Variants in TMEM268 observed in about 807,000 individuals in gnomAD.
TMEM268 encodes transmembrane protein 268.
A neutral mutation model predicts 39.1 loss-of-function variants in TMEM268; 24 were observed. That is an observed-to-expected ratio of 0.61 (90% CI 0.44 to 0.86). The LOEUF (loss-of-function observed/expected upper bound fraction) is 0.86. TMEM268 is among the 40% of genes least tolerant of loss of function. The pLI is 0.00. For synonymous variants in TMEM268, 176 were observed against 173.5 expected (o/e 1.01, Z -0.12); for missense variants, 409 against 428.6 (o/e 0.95, Z 0.40).
chr9:114,630,513 A>C (rs1380816229), intron 5 of TMEM268, among the ~76,000 whole-genome samples: 2 of 152,176 alleles, frequency 1.3e-5, no homozygotes, highest in Non-Finnish European at 2.9e-5. Context: ...CTTCACGTCT[A>C]TGCCCAACAA....
At chr9:114,633,228 C>T (rs966659050) in intron 5 of TMEM268, among the ~76,000 whole-genome samples, 2 of 150,372 alleles carry the variant, frequency 1.3e-5, no homozygotes, top group African/African-American at 4.9e-5. Context: ...GTGGCGTGAT[C>T]TCTGTGCACT....
chr9:114,621,968 T>C (rs1589336440), intron 2 of TMEM268: 3 of 370,702 alleles, frequency 8.1e-6, no homozygotes, highest in Admixed American at 1.3e-4. Context: ...CCCTGGCCAC[T>C]GTGTGGAAGA....
upstream of TMEM268, among the ~76,000 whole-genome samples, chr9:114,609,394 C>T (rs1845408827): frequency 1.3e-5 from 2 of 152,032 alleles, no homozygotes; most frequent in African/African-American, 4.8e-5. Flanking sequence ...ATGGGCCAGG[C>T]ATGGTGGCTT....
chr9:114,621,036 T>C (rs1466064294), intron 2 of TMEM268, among the ~76,000 whole-genome samples: 2 of 152,094 alleles, frequency 1.3e-5, no homozygotes, highest in African/African-American at 4.8e-5. Flanking sequence ...TCCCAGGGTA[T>C]GAAAAAAGAA....
At chr9:114,624,965 G>A (rs960118440) in intron 3 of TMEM268, among the ~76,000 whole-genome samples, 5 of 152,140 alleles carry the variant, frequency 3.3e-5, no homozygotes, top group African/African-American at 1.2e-4. Context: ...TTTAGGAGAG[G>A]GGACTGCATA....
At chr9:114,636,485 T>TTTTTCTTTTCCTTTCTTTTCTTTC (rs1846641817) in intron 6 of TMEM268, among the ~76,000 whole-genome samples, 1 of 136,546 alleles carries the variant, frequency 7.3e-6, no homozygotes, top group Non-Finnish European at 1.6e-5. Flanking sequence ...AGGGTTTAAC[T>TTTTTCTTTTCCTTTCTTTTCTTTC]TTTTCTTTTC....
At chr9:114,631,696 C>CATCCAA (rs936717619) in intron 5 of TMEM268, among the ~76,000 whole-genome samples, 9 of 152,210 alleles carry the variant, frequency 5.9e-5, no homozygotes, top group African/African-American at 2.2e-4. Flanking sequence ...TCCAAATCCA[C>CATCCAA]ATCCAAATCT....
chr9:114,628,135 C>T lies in TMEM268; in HGVS notation c.359C>T (p.Ser120Phe). ...FYVVVWANIY[S>F]TSQMFALGNH... The stretch of plus-strand genomic sequence containing the variant: ...GTGGTGGTGTGGGCCAATATCTACT[C>T]TACCAGTCAGATGTTTGCCTTGGGG... Residue 120 changes from serine (S) to phenylalanine (F), a missense_variant, in exon 5 of 9, where the codon TCT (serine) becomes TTT (phenylalanine). Physicochemically the swap from Ser to Phe is radical, Grantham distance 155. Transcript: ENST00000288502. 1 of 1,614,186 alleles carries T rather than the reference C, an allele frequency of 6.2e-7. No homozygotes were observed. The highest frequency in any genetic ancestry group is 8.5e-7 in the Non-Finnish European group (1 of 1,180,036).
chr9:114,631,292 A>AAAAAAAAAAAG (rs1846387622), intron 5 of TMEM268, among the ~76,000 whole-genome samples: 8 of 20,192 alleles, frequency 4.0e-4, no homozygotes, highest in African/African-American at 9.3e-4. Flanking sequence ...CAAAAAAAAA[A>AAAAAAAAAAAG]AAAAAAAAAA....
Position 114,645,695 on chromosome 9 carries a change from A to G in TMEM268, c.*2382A>G, listed in dbSNP as rs1382699493. 6.6e-6 allele frequency: 1 copy of G among 152,324 alleles called. No homozygotes were observed. The highest frequency in any genetic ancestry group is 1.5e-5 in the Non-Finnish European group (1 of 68,044). The allele number at this position is 152,324 out of a possible 1,614,324, so 9.4% of individuals were successfully genotyped here. A position where few individuals can be genotyped will look rare whatever the true frequency, so the allele number is the denominator to read the frequency against. On this transcript the variant is annotated 3_prime_UTR_variant, in exon 9 of 9. Transcript: ENST00000288502. ...TGTGTTTGTTAAATGACAAAGCAGC[A>G]GTTTTTCAATTGTAAGGTCTGCTTG...
At chr9:114,636,141 A>G (rs1430263544) in intron 6 of TMEM268, among the ~76,000 whole-genome samples, 1 of 152,196 alleles carries the variant, frequency 6.6e-6, no homozygotes, top group Non-Finnish European at 1.5e-5. Flanking sequence ...GATGTGTGGC[A>G]GCTGTGGTCT....
At chr9:114,634,788 A>T (rs1336718288) in intron 6 of TMEM268, among the ~76,000 whole-genome samples, 6 of 150,706 alleles carry the variant, frequency 4.0e-5, no homozygotes, top group African/African-American at 1.5e-4. Context: ...TTGAGGCTGC[A>T]GCAGAGAACA....
rs1246698742 is a variant in TMEM268 at position 114,645,916 on chromosome 9, C to G, written c.*2603C>G. ...ACAGGGTTGCTGTGAAGATCGCATA[C>G]TACACACAGGAATGCTCATCAGTTT... On this transcript the variant is annotated 3_prime_UTR_variant, in exon 9 of 9. Coordinates refer to ENST00000288502, the MANE Select transcript of TMEM268 (RefSeq NM_153045.4). The G allele has an allele frequency of 1.2e-4, 19 of 152,096 alleles. No homozygotes were observed. Among genetic ancestry groups the G allele is most frequent in the Admixed American group, 1.2e-3 (19 of 15,266 alleles). The allele number at this position is 152,096 out of a possible 1,614,324, so 9.4% of individuals were successfully genotyped here.
At chr9:114,624,695 A>G (rs1035448191) in intron 3 of TMEM268, among the ~76,000 whole-genome samples, 16 of 152,234 alleles carry the variant, frequency 1.1e-4, no homozygotes, top group Admixed American at 9.2e-4. Context: ...CTGGCTAAAC[A>G]TAATAGGGGT....
At chr9:114,639,377 T>C (rs1589361945) in intron 8 of TMEM268, among the ~76,000 whole-genome samples, 1 of 152,116 alleles carries the variant, frequency 6.6e-6, no homozygotes, top group African/African-American at 2.4e-5. Flanking sequence ...GCTCAAGAGA[T>C]CTACCCACCT....
At chr9:114,623,526 G>A (rs1206365874) in intron 2 of TMEM268, among the ~76,000 whole-genome samples, 2 of 152,222 alleles carry the variant, frequency 1.3e-5, no homozygotes, top group Non-Finnish European at 2.9e-5. Flanking sequence ...TGGCAGGACT[G>A]TTTTTCTTTC....
intron 6 of TMEM268, 118 bp from the exon 7 acceptor site, chr9:114,636,872 T>A (rs570762297): frequency 1.5e-6 from 1 of 661,884 alleles, no homozygotes; most frequent in Non-Finnish European, 2.7e-6. Flanking sequence ...GACATTGTCA[T>A]GGTGCCAAAT....
At chr9:114,617,721 C>T (rs1845786662) in intron 2 of TMEM268, among the ~76,000 whole-genome samples, 1 of 152,156 alleles carries the variant, frequency 6.6e-6, no homozygotes, top group Non-Finnish European at 1.5e-5. Flanking sequence ...CAGGCATCCA[C>T]CGCTACATCC....
chr9:114,626,410 T>C (rs569777940), intron 3 of TMEM268, among the ~76,000 whole-genome samples: 40 of 152,378 alleles, frequency 2.6e-4, no homozygotes, highest in African/African-American at 8.7e-4. Context: ...GCAGTATTGA[T>C]AGTGGCAACT....
Sources: allele counts gnomAD v4.1 joint callset (sites outside exome capture counted in the v4.1 genomes callset), GRCh38; gene constraint gnomAD v4.1.1; transcripts MANE v1.5; gene names NCBI Gene and HGNC (gene_info 2026-07-23, HGNC 2026-07-21).